TEX26: variants seen among roughly 807,000 people sequenced by gnomAD.
TEX26 encodes testis expressed 26.
In TEX26, 34 loss-of-function variants were observed where a neutral mutation model predicts 35.3. The ratio of observed to expected loss-of-function variants is 0.96; its 90% confidence interval spans 0.73 to 1.28. The LOEUF is 1.28. Among genes scored for constraint, TEX26 ranks in the 50% most tolerant of loss-of-function variants. TEX26 has a pLI of 0.00. For synonymous variants in TEX26, 136 were observed against 111.8 expected (o/e 1.22, Z -1.36); for missense variants, 371 against 330.1 (o/e 1.12, Z -0.96).
chr13:30,968,113 AT>A (rs1364138783), intron 5 of TEX26, among the ~76,000 whole-genome samples: 1 of 152,246 alleles, frequency 6.6e-6, no homozygotes, highest in Non-Finnish European at 1.5e-5. Context: ...CAAAAAGCAG[AT>A]TAAAAGGAGA....
rs547807442 is a variant in TEX26 at position 30,943,449 on chromosome 13, C to T, written c.146+3671C>T. Among the ~76,000 whole-genome samples, 25 of 152,154 alleles carry T rather than the reference C, an allele frequency of 1.6e-4. No homozygotes were observed. In the South Asian group the frequency reaches 1.7e-3, roughly 10 times the overall value. On this transcript the variant is annotated intron_variant, in intron 2 of 6. Coordinates refer to ENST00000380473, the MANE Select transcript of TEX26 (RefSeq NM_152325.3). ...CTTTCTCTTTTCAAATGTGGATACA[C>T]TTTATTTCTTTCTCTTGCTTGATTG...
intron 4 of TEX26, among the ~76,000 whole-genome samples, chr13:30,963,022 G>A (rs1204791092): frequency 6.6e-6 from 1 of 151,800 alleles, no homozygotes. Flanking sequence ...TAGGGACGGG[G>A]TTTCTCAGTG....
intron 6 of TEX26, among the ~76,000 whole-genome samples, chr13:30,974,050 G>A (rs1954796549): frequency 6.7e-6 from 1 of 149,366 alleles, no homozygotes; most frequent in Non-Finnish European, 1.5e-5. Context: ...GAACCTGGGA[G>A]GCAGAGGTTG....
intron 4 of TEX26, among the ~76,000 whole-genome samples, chr13:30,962,981 C>G (rs1343907655): frequency 6.7e-6 from 1 of 148,712 alleles, no homozygotes; most frequent in Non-Finnish European, 1.5e-5. Flanking sequence ...TGCCACCATG[C>G]CCAGCTAATT....
At chr13:30,970,774 C>T (rs144885864) in intron 6 of TEX26, among the ~76,000 whole-genome samples, 71 of 152,248 alleles carry the variant, frequency 4.7e-4, no homozygotes, top group Admixed American at 2.0e-3. Context: ...ACCTTAGTGG[C>T]GCCCCTGAGG....
intron 2 of TEX26, among the ~76,000 whole-genome samples, chr13:30,941,253 A>G (rs940072074): frequency 6.6e-6 from 1 of 152,218 alleles, no homozygotes; most frequent in Admixed American, 6.5e-5. Context: ...ATTTCCAAAA[A>G]GTACAAGGCT....
intron 4 of TEX26, among the ~76,000 whole-genome samples, chr13:30,960,010 G>C (rs1954276320): frequency 6.6e-6 from 1 of 152,204 alleles, no homozygotes; most frequent in African/African-American, 2.4e-5. Flanking sequence ...GAAGGGAAGT[G>C]ATTTCCAACC....
chr13:30,973,781 T>C (rs1954787580), intron 6 of TEX26, among the ~76,000 whole-genome samples: 1 of 152,100 alleles, frequency 6.6e-6, no homozygotes, highest in South Asian at 2.1e-4. Flanking sequence ...CACTCCTTTT[T>C]GGTTTTGGCT....
Position 30,966,288 on chromosome 13 carries a change from A to G in TEX26, c.536A>G (p.Asp179Gly). The change falls in exon 5 of 7, where the codon GAC (aspartate) becomes GGC (glycine). Residue 179 changes from aspartate (D) to glycine (G), a missense_variant. By Grantham distance (94) the Asp-to-Gly change is moderately conservative. Coordinates refer to ENST00000380473, the MANE Select transcript of TEX26 (RefSeq NM_152325.3). ...EWKKLLPQPPDTEFRRNYQIP... is the reference protein window; with the variant it reads ...EWKKLLPQPPGTEFRRNYQIP... Reference sequence around the variant, plus strand: ...AAAAAGTTACTTCCCCAACCTCCAGACACTGAATTCCGAAGGAATTACCAA... The same window carrying G: ...AAAAAGTTACTTCCCCAACCTCCAGGCACTGAATTCCGAAGGAATTACCAA... 6.2e-7 allele frequency: 1 copy of G among 1,614,120 alleles called. No homozygotes were observed. The highest frequency in any genetic ancestry group is 8.5e-7 in the Non-Finnish European group (1 of 1,180,026).
At chr13:30,969,098 G>C (rs1954635690) in intron 6 of TEX26, 52 bp downstream of exon 6, 6 of 1,486,996 alleles carry the variant, frequency 4.0e-6, no homozygotes, top group Non-Finnish European at 5.4e-6. Context: ...CATTGCTTTT[G>C]CCAAATAGAA....
chr13:30,953,687 A>G (rs1371144606), intron 3 of TEX26, among the ~76,000 whole-genome samples: 1 of 152,176 alleles, frequency 6.6e-6, no homozygotes, highest in Non-Finnish European at 1.5e-5. Flanking sequence ...ATATTTCTTC[A>G]AGACTCACAT....
At chr13:30,963,901 C>T (rs571860305) in intron 4 of TEX26, among the ~76,000 whole-genome samples, 3 of 152,238 alleles carry the variant, frequency 2.0e-5, no homozygotes, top group East Asian at 1.9e-4. Context: ...ACCTCTATGC[C>T]GGTCCATCAT....
rs543337636 is a variant in TEX26 at position 30,975,256 on chromosome 13, A to C, written c.*349A>C. On this transcript the variant is annotated 3_prime_UTR_variant, in exon 7 of 7. Transcript: ENST00000380473. ...GTCCCATTAATCAGAGACTTAAGAAATCATTTTATTGCCTTATCTCTTCTT... is the reference window on the plus strand; with the variant it reads ...GTCCCATTAATCAGAGACTTAAGAACTCATTTTATTGCCTTATCTCTTCTT... The C allele has an allele frequency of 1.2e-5, 2 of 161,862 alleles. No individual in the cohort carries two copies. Among genetic ancestry groups the C allele is most frequent in the Non-Finnish European group, 2.7e-5 (2 of 74,676 alleles). The allele number at this position is 161,862 out of a possible 1,614,324, so 10.0% of individuals were successfully genotyped here. A position where few individuals can be genotyped will look rare whatever the true frequency, so the allele number is the denominator to read the frequency against.
intron 5 of TEX26, among the ~76,000 whole-genome samples, chr13:30,967,725 T>G (rs1476437450): frequency 1.3e-5 from 2 of 152,170 alleles, no homozygotes; most frequent in Non-Finnish European, 1.5e-5. Context: ...TTGTGAAAAT[T>G]TGGTTTTTAC....
chr13:30,939,807 T>C (rs754808805), intron 2 of TEX26, 29 bp downstream of exon 2: 11 of 1,575,556 alleles, frequency 7.0e-6, no homozygotes, highest in Admixed American at 1.7e-5. Context: ...TGGATTGATA[T>C]ACATGTTTTA....
chr13:30,946,558 A>G (rs1045237660), intron 2 of TEX26, among the ~76,000 whole-genome samples: 1 of 151,874 alleles, frequency 6.6e-6, no homozygotes, highest in African/African-American at 2.4e-5. Flanking sequence ...GTTCCTTCTC[A>G]TTAGGGTAGA....
intron 2 of TEX26, among the ~76,000 whole-genome samples, chr13:30,952,304 T>G (rs935513294): frequency 2.6e-5 from 4 of 152,104 alleles, no homozygotes; most frequent in Non-Finnish European, 2.9e-5. Flanking sequence ...ATTTCTTCCC[T>G]TTATCAAATG....
chr13:30,943,391 T>C (rs1798021022), intron 2 of TEX26, among the ~76,000 whole-genome samples: 1 of 151,808 alleles, frequency 6.6e-6, no homozygotes, highest in South Asian at 2.1e-4. Flanking sequence ...TCTAGGTATA[T>C]GATCATATCA....
At chr13:30,967,157 C>T (rs1264492013) in intron 5 of TEX26, among the ~76,000 whole-genome samples, 4 of 152,204 alleles carry the variant, frequency 2.6e-5, no homozygotes, top group African/African-American at 4.8e-5. Context: ...ACCAAGCCAC[C>T]TCCAAGCTAC....
Sources: gnomAD v4.1 joint callset for allele counts (sites outside exome capture counted in the v4.1 genomes callset) on GRCh38, gnomAD v4.1.1 for gene constraint, MANE v1.5 for transcripts, NCBI Gene and HGNC (gene_info 2026-07-23, HGNC 2026-07-21) for gene names.